MYO5B: variants seen among roughly 807,000 people sequenced by gnomAD.
MYO5B encodes myosin VB, also known as unconventional myosin-Vb.
In MYO5B, 143 loss-of-function variants were observed where a neutral mutation model predicts 229.3. The ratio of observed to expected loss-of-function variants is 0.62; its 90% CI spans 0.54 to 0.72. The LOEUF (loss-of-function observed/expected upper bound fraction) is 0.72, where lower values mean the gene tolerates loss of function less well. MYO5B is among the 30% of genes least tolerant of loss of function. The probability of loss-of-function intolerance (pLI) is 0.00; values close to 1 mark genes in which losing one functional copy is unlikely to be tolerated. For synonymous variants in MYO5B, 918 were observed against 885.2 expected (o/e 1.04, Z -0.66); for missense variants, 2,321 against 2,331.0 (o/e 1.00, Z 0.09).
intron 1 of MYO5B, among the ~76,000 whole-genome samples, chr18:50,184,877 C>T (rs8092359): frequency 7.4e-4 from 27 of 36,262 alleles, no homozygotes; most frequent in African/African-American, 2.4e-3. Flanking sequence ...TATCTCTACA[C>T]ACACACACAC....
At chr18:49,999,856 C>G (rs1312478460) in intron 5 of MYO5B, among the ~76,000 whole-genome samples, 1 of 152,240 alleles carries the variant, frequency 6.6e-6, no homozygotes, top group Admixed American at 6.5e-5. Flanking sequence ...ACAAGCCTTA[C>G]AGGCAATTCT....
chr18:50,061,692 G>C (rs2030690498), intron 1 of MYO5B, among the ~76,000 whole-genome samples: 1 of 152,130 alleles, frequency 6.6e-6, no homozygotes, highest in Admixed American at 6.5e-5. Context: ...TTTGGGGGTA[G>C]GGCCCAAACA....
intron 27 of MYO5B, among the ~76,000 whole-genome samples, chr18:49,868,866 G>C (rs562098998): frequency 2.0e-5 from 3 of 152,174 alleles, no homozygotes; most frequent in Non-Finnish European, 2.9e-5. Context: ...CCTTGTGCAG[G>C]GTACGTAGTC....
chr18:49,927,480 A>T (rs1004242161), intron 17 of MYO5B, among the ~76,000 whole-genome samples: 16 of 152,166 alleles, frequency 1.1e-4, no homozygotes, highest in Non-Finnish European at 2.1e-4. Context: ...GACACAATAC[A>T]TTACCCAACT....
At chr18:49,861,562 C>T (rs2024329633) in intron 29 of MYO5B, among the ~76,000 whole-genome samples, 1 of 152,254 alleles carries the variant, frequency 6.6e-6, no homozygotes, top group Admixed American at 6.5e-5. Context: ...CCTTTTCTCC[C>T]TCCTTTAGGG....
chr18:50,016,212 TTTTTA>T (rs1322852097), intron 4 of MYO5B, among the ~76,000 whole-genome samples: 1 of 152,220 alleles, frequency 6.6e-6, no homozygotes, highest in Non-Finnish European at 1.5e-5. Flanking sequence ...ATTCTTTTTC[TTTTTA>T]TTTTGTTTGC....
At chr18:49,839,470 CCTTGAA>C (rs2024030771) in intron 35 of MYO5B, 176 bp from the exon 36 acceptor site, 1 of 692,092 alleles carries the variant, frequency 1.4e-6, no homozygotes, top group African/African-American at 1.8e-5. Context: ...CATTGATGAC[CCTTGAA>C]CTTGAAGGAT....
At chr18:50,027,266 T>G (rs1273676625) in intron 4 of MYO5B, among the ~76,000 whole-genome samples, 1 of 152,178 alleles carries the variant, frequency 6.6e-6, no homozygotes, top group African/African-American at 2.4e-5. Flanking sequence ...GAAATCCATG[T>G]AGGGTGACAA....
intron 4 of MYO5B, among the ~76,000 whole-genome samples, chr18:50,036,472 G>A (rs967201206): frequency 6.6e-6 from 1 of 152,186 alleles, no homozygotes; most frequent in Non-Finnish European, 1.5e-5. Flanking sequence ...AGTCTTCAGT[G>A]AGACTATCTG....
At chr18:50,117,858 C>T (rs2031990692) in intron 1 of MYO5B, among the ~76,000 whole-genome samples, 2 of 152,122 alleles carry the variant, frequency 1.3e-5, no homozygotes, top group Non-Finnish European at 2.9e-5. Flanking sequence ...CATAGTACGC[C>T]ATGCTTGGGT....
intron 1 of MYO5B, among the ~76,000 whole-genome samples, chr18:50,085,875 T>C (rs540742945): frequency 6.9e-6 from 1 of 145,420 alleles, no homozygotes; most frequent in East Asian, 2.0e-4. Flanking sequence ...TGAGAACACA[T>C]GGACACAGGA....
chr18:49,944,182 G>A (rs1598901353), intron 14 of MYO5B, among the ~76,000 whole-genome samples: 3 of 152,102 alleles, frequency 2.0e-5, no homozygotes, highest in Admixed American at 6.5e-5. Flanking sequence ...ACTCCTCCAA[G>A]CCTCCCAGTG....
intron 4 of MYO5B, among the ~76,000 whole-genome samples, chr18:50,035,766 GAAATA>G (rs2026441415): frequency 6.6e-6 from 1 of 152,194 alleles, no homozygotes; most frequent in Non-Finnish European, 1.5e-5. Flanking sequence ...ACTCTTTGGA[GAAATA>G]AAATAGTTAC....
At chr18:49,854,054 T>C (rs376750924) in intron 30 of MYO5B, among the ~76,000 whole-genome samples, 24 of 152,260 alleles carry the variant, frequency 1.6e-4, no homozygotes, top group Admixed American at 6.5e-4. Context: ...CTTCTTAAGA[T>C]AAAACTCTGG....
At chr18:49,951,062 C>T (rs1208144149) in intron 14 of MYO5B, among the ~76,000 whole-genome samples, 3 of 152,136 alleles carry the variant, frequency 2.0e-5, no homozygotes, top group Non-Finnish European at 2.9e-5. Flanking sequence ...AAACCCTGGC[C>T]GCCTGGGCTC....
At chr18:49,853,260 A>G (rs1440314708) in intron 31 of MYO5B, among the ~76,000 whole-genome samples, 189 bp downstream of exon 31, 1 of 152,208 alleles carries the variant, frequency 6.6e-6, no homozygotes, top group African/African-American at 2.4e-5. Flanking sequence ...CCCCAGACAC[A>G]GGAGTGGGGC....
rs1374051202 is a variant in MYO5B at position 49,826,207 on chromosome 18, G to C, written c.*264C>G. ...TTTTATATGTCTATGGGGACTGCTT[G>C]GTGTCTATAAATTATGTATATGTGT... is the stretch of plus-strand genomic sequence containing the variant. On this transcript the variant is annotated 3_prime_UTR_variant, in exon 40 of 40. Coordinates refer to ENST00000285039, the MANE Select transcript of MYO5B (RefSeq NM_001080467.3). The C allele has an allele frequency of 4.4e-6, 2 of 459,750 alleles. No homozygotes were observed. The highest frequency in any genetic ancestry group is 4.0e-6 in the Non-Finnish European group (1 of 250,246). 28.5% of individuals were successfully genotyped at this position (459,750 alleles called of 1,614,324 possible). A position where few individuals can be genotyped will look rare whatever the true frequency, so the allele number is the denominator to read the frequency against.
chr18:49,891,389 C>T (rs2024712691), intron 22 of MYO5B, among the ~76,000 whole-genome samples: 1 of 152,174 alleles, frequency 6.6e-6, no homozygotes, highest in African/African-American at 2.4e-5. Context: ...GGGTAATTCA[C>T]GTTAGATTCC....
At chr18:49,992,577 A>G in intron 5 of MYO5B, 146 bp from the exon 6 acceptor site, 5 of 1,207,476 alleles carry the variant, frequency 4.1e-6, no homozygotes, top group Non-Finnish European at 5.9e-6. Context: ...ACTGAGCTAA[A>G]GAATAAAACA....
Sources: gnomAD v4.1 joint callset for allele counts (sites outside exome capture counted in the v4.1 genomes callset) on GRCh38, gnomAD v4.1.1 for gene constraint, MANE v1.5 for transcripts, NCBI Gene and HGNC (gene_info 2026-07-23, HGNC 2026-07-21) for gene names.